Variants in ITCH observed in about 807,000 individuals in gnomAD.
ITCH encodes itchy E3 ubiquitin protein ligase.
Under a neutral mutation model 126.8 loss-of-function variants are expected in ITCH, and 28 were observed. The ratio of observed to expected loss-of-function variants is 0.22; its 90% CI spans 0.16 to 0.30. The LOEUF is 0.30. Ranked by LOEUF, ITCH falls within the 10% of genes least tolerant of loss-of-function variation. The pLI is 1.00. For missense variants in ITCH, 631 were observed against 1,032.4 expected (o/e 0.61, Z 5.33); for synonymous variants, 342 against 340.0 (o/e 1.01, Z -0.06).
At chr20:34,385,189 ATG>A (rs150658162) in intron 2 of ITCH, among the ~76,000 whole-genome samples, 71,874 of 101,280 alleles carry the variant, frequency 0.71, 26,172 homozygotes, top group Non-Finnish European at 0.79. Flanking sequence ...AGCTAATTTT[ATG>A]TGTGTGTGTG....
chr20:34,421,166 A>G (rs1980714734), intron 6 of ITCH, among the ~76,000 whole-genome samples: 1 of 152,164 alleles, frequency 6.6e-6, no homozygotes, highest in African/African-American at 2.4e-5. Context: ...CTCAGTGGCT[A>G]TTCACAGGAA....
chr20:34,406,535 CTTT>C (rs758567140), intron 3 of ITCH, among the ~76,000 whole-genome samples: 1 of 139,088 alleles, frequency 7.2e-6, no homozygotes. Flanking sequence ...GCTGCTGCTT[CTTT>C]TTTTTTTTTT....
At chr20:34,390,219 C>G (rs1410519623) in intron 2 of ITCH, among the ~76,000 whole-genome samples, 1 of 151,968 alleles carries the variant, frequency 6.6e-6, no homozygotes, top group East Asian at 1.9e-4. Context: ...GTCTTTAATT[C>G]TGCAGATACT....
chr20:34,428,583 A>G (rs926686476), intron 7 of ITCH, among the ~76,000 whole-genome samples: 3 of 151,802 alleles, frequency 2.0e-5, no homozygotes, highest in Non-Finnish European at 4.4e-5. Context: ...TTTGTTTTTA[A>G]GTTTATTATT....
intron 23 of ITCH, among the ~76,000 whole-genome samples, chr20:34,495,414 G>A (rs1600494728): frequency 6.6e-6 from 1 of 151,442 alleles, no homozygotes; most frequent in South Asian, 2.1e-4. Context: ...ATCTGTACTT[G>A]TGCATCTATT....
At chr20:34,408,905 CT>C in intron 4 of ITCH, 113 bp downstream of exon 4, 1 of 1,070,476 alleles carries the variant, frequency 9.3e-7, no homozygotes, top group South Asian at 1.5e-5. Context: ...CCTCCTTTCT[CT>C]CTTCTTTTTT....
rs542534514 is a variant in ITCH, at chr20:34,480,826, T to C, written c.1952+94T>C. The stretch of plus-strand genomic sequence containing the variant: ...ATCCAAACTGTAGGCACATAATTGG[T>C]TTATTGTATTTAAATGATCTATATA... On this transcript the variant is annotated intron_variant, in intron 19 of 24. Coordinates refer to ENST00000374864, the MANE Select transcript of ITCH (RefSeq NM_031483.7). The C allele has an allele frequency of 3.7e-6, 4 of 1,089,890 alleles. No homozygotes were observed. The East Asian group carries it at 1.0e-4, about 28-fold the overall frequency. The allele number at this position is 1,089,890 out of a possible 1,614,324, so 67.5% of individuals were successfully genotyped here.
chr20:34,375,696 ATTTTT>A (rs5841171), intron 2 of ITCH, among the ~76,000 whole-genome samples: 14 of 65,552 alleles, frequency 2.1e-4, no homozygotes, highest in African/African-American at 1.0e-3. Context: ...GGTAGTTAAA[ATTTTT>A]TTTTTTTTTT....
chr20:34,464,059 A>G (rs143774887), intron 14 of ITCH, among the ~76,000 whole-genome samples: 101 of 150,876 alleles, frequency 6.7e-4, no homozygotes, highest in African/African-American at 2.3e-3. Flanking sequence ...ACTGCAAGCT[A>G]TGCCTCCCGG....
intron 7 of ITCH, among the ~76,000 whole-genome samples, chr20:34,429,299 G>A (rs1453903494): frequency 1.3e-5 from 2 of 152,090 alleles, no homozygotes; most frequent in Admixed American, 6.6e-5. Flanking sequence ...TCTGTATACT[G>A]TATAGATTTC....
At chr20:34,485,053 C>T (rs1393830982) in intron 20 of ITCH, among the ~76,000 whole-genome samples, 2 of 152,130 alleles carry the variant, frequency 1.3e-5, no homozygotes, top group South Asian at 2.1e-4. Context: ...ACTCTTATAT[C>T]TAGCTTTTAG....
intron 16 of ITCH, among the ~76,000 whole-genome samples, chr20:34,477,150 A>G (rs1988305797): frequency 6.6e-6 from 1 of 152,212 alleles, no homozygotes; most frequent in South Asian, 2.1e-4. Context: ...CCAAACCACA[A>G]AAACCCCACC....
intron 2 of ITCH, among the ~76,000 whole-genome samples, chr20:34,387,914 A>G (rs1461579968): frequency 6.6e-6 from 1 of 152,066 alleles, no homozygotes; most frequent in Non-Finnish European, 1.5e-5. Context: ...CATGTTGGAC[A>G]GGATGGTCTT....
chr20:34,401,314 T>A (rs1425971604), intron 3 of ITCH, among the ~76,000 whole-genome samples: 2 of 152,162 alleles, frequency 1.3e-5, no homozygotes, highest in African/African-American at 4.8e-5. Flanking sequence ...AATTTTTTTT[T>A]AAATTACAAG....
chr20:34,471,359 AAAGT>A, intron 15 of ITCH, 81 bp from the exon 16 acceptor site: 1 of 787,348 alleles, frequency 1.3e-6, no homozygotes, highest in Non-Finnish European at 2.3e-6. Context: ...AGGAAAGATA[AAAGT>A]AAATAAAACT....
intron 16 of ITCH, among the ~76,000 whole-genome samples, chr20:34,474,689 A>G (rs1458046478): frequency 1.3e-5 from 2 of 152,154 alleles, no homozygotes; most frequent in African/African-American, 4.8e-5. Context: ...TACACCTCCC[A>G]GACGGGGTGG....
intron 3 of ITCH, among the ~76,000 whole-genome samples, chr20:34,398,723 T>C (rs2038764953): frequency 6.6e-6 from 1 of 152,086 alleles, no homozygotes; most frequent in African/African-American, 2.4e-5. Context: ...TTTATAAATT[T>C]TTTTCTTTTT....
intron 6 of ITCH, among the ~76,000 whole-genome samples, chr20:34,419,533 G>A (rs1438747334): frequency 6.6e-6 from 1 of 151,424 alleles, no homozygotes; most frequent in Non-Finnish European, 1.5e-5. Flanking sequence ...CCCGGCTTGA[G>A]TGCAGTGGCA....
At position 34,471,519 on chromosome 20, in the gene ITCH, C is replaced by T; in HGVS notation, c.1569+4C>T. 6.4e-7 allele frequency: 1 copy of T among 1,553,976 alleles called. No individual in the cohort carries two copies. The highest frequency in any genetic ancestry group is 8.9e-7 in the Non-Finnish European group (1 of 1,125,194). The stretch of plus-strand genomic sequence containing the variant: ...GTTTGAGGATTCCTTTCAACAGGTA[C>T]TGTTTCATTCTCTCAATAATTTCCC... On this transcript the variant is annotated splice_donor_region_variant and intron_variant, in intron 16 of 24. Transcript: ENST00000374864.
Sources: allele counts gnomAD v4.1 joint callset (sites outside exome capture counted in the v4.1 genomes callset), GRCh38; gene constraint gnomAD v4.1.1; transcripts MANE v1.5; gene names NCBI Gene and HGNC (gene_info 2026-07-23, HGNC 2026-07-21).